The following INPP4A variants were observed in gnomAD, a reference collection of about 807,000 sequenced individuals.
INPP4A encodes the protein inositol polyphosphate-4-phosphatase type I A, also known as inositol polyphosphate-4-phosphatase, type I, 107kD.
A neutral mutation model predicts 119.8 loss-of-function variants in INPP4A; 33 were observed. The observed-to-expected ratio is 0.28, with a 90% CI of 0.21 to 0.37. INPP4A has a LOEUF of 0.37. INPP4A is among the 10% of genes least tolerant of loss of function. The pLI, the probability that INPP4A is intolerant of heterozygous loss-of-function variation, is 1.00. For missense variants in INPP4A, 956 were observed against 1,289.9 expected, an observed-to-expected ratio of 0.74 and a Z score of 3.97; for synonymous variants, 496 against 500.7, an observed-to-expected ratio of 0.99 and a Z score of 0.12.
chr2:98,458,379 C>T (rs1488855545), intron 1 of INPP4A, among the ~76,000 whole-genome samples: 7 of 152,070 alleles, frequency 4.6e-5, no homozygotes, highest in Non-Finnish European at 1.0e-4. Context: ...CCTTTCTCAC[C>T]TTCTCTACCC....
In INPP4A at chr2:98,562,497, C is replaced by T. The variant is rs188923513; in HGVS notation, c.1856-968C>T. Among the ~76,000 whole-genome samples the T allele has an allele frequency of 2.6e-3, 401 of 152,306 alleles. 1 individual carries two copies. The highest frequency in any genetic ancestry group is 9.2e-3 in the African/African-American group (383 of 41,560). On this transcript the variant is annotated intron_variant, in intron 17 of 24. Transcript: ENST00000409851. ...CCATGGCCTTCCCTGAGTGCCGTGCCGGGACATGGCCTGGCGCATTCTGTG... is the reference window on the plus strand; with the variant it reads ...CCATGGCCTTCCCTGAGTGCCGTGCTGGGACATGGCCTGGCGCATTCTGTG...
chr2:98,550,920 A>C (rs1401868671), intron 13 of INPP4A, among the ~76,000 whole-genome samples: 1 of 151,300 alleles, frequency 6.6e-6, no homozygotes, highest in Non-Finnish European at 1.5e-5. Context: ...TTATATATGT[A>C]CTCTAAATAT....
intron 22 of INPP4A, 97 bp downstream of exon 22, chr2:98,568,765 C>T: frequency 1.4e-6 from 1 of 714,904 alleles, no homozygotes; most frequent in Non-Finnish European, 2.6e-6. Context: ...TGAGTGCATG[C>T]CTGTGCATGT....
intron 1 of INPP4A, among the ~76,000 whole-genome samples, chr2:98,472,373 C>A (rs111419704): frequency 3.3e-5 from 5 of 152,230 alleles, no homozygotes; most frequent in Admixed American, 3.3e-4. Flanking sequence ...GACTCGAGTC[C>A]CCCAGCAGAT....
intron 1 of INPP4A, among the ~76,000 whole-genome samples, chr2:98,469,764 A>G (rs968221625): frequency 1.3e-5 from 2 of 152,188 alleles, no homozygotes; most frequent in African/African-American, 4.8e-5. Context: ...AGATCACGCC[A>G]TTGCACTCCA....
Position 98,572,842 on chromosome 2 carries a change from G to A in INPP4A, c.2546G>A (p.Cys849Tyr), listed in dbSNP as rs1203789261. ...DCLPRSRSQT[C>Y]LPELLRFLGQ... ...CTGCCTCGGTCTCGCAGTCAGACGT[G>A]CCTGCCAGAGCTGCTGCGGTTTCTG... is the stretch of plus-strand genomic sequence containing the variant. The change falls in exon 23 of 25, where the codon TGC (cysteine) becomes TAC (tyrosine). Residue 849 changes from cysteine to tyrosine, a missense_variant. By Grantham distance (194) the Cys-to-Tyr change is radical (BLOSUM62 -2). Coordinates refer to ENST00000409851, the MANE Select transcript of INPP4A (RefSeq NM_001134225.2). 1.3e-6 allele frequency: 2 copies of A among 1,569,452 alleles called. No individual in the cohort carries two copies. Among genetic ancestry groups the A allele is most frequent in the African/African-American group, 2.7e-5 (2 of 73,682 alleles).
intron 24 of INPP4A, among the ~76,000 whole-genome samples, chr2:98,580,454 G>A (rs576358925): frequency 6.6e-6 from 1 of 152,368 alleles, no homozygotes; most frequent in African/African-American, 2.4e-5. Flanking sequence ...TGAACATGGA[G>A]TTGGGAAGAG....
At chr2:98,493,764 A>G (rs1681345303) in intron 1 of INPP4A, among the ~76,000 whole-genome samples, 1 of 152,036 alleles carries the variant, frequency 6.6e-6, no homozygotes, top group Non-Finnish European at 1.5e-5. Flanking sequence ...GTTCATATTC[A>G]CCAGGTTAAT....
At chr2:98,467,796 T>C (rs1451748744) in intron 1 of INPP4A, among the ~76,000 whole-genome samples, 1 of 152,234 alleles carries the variant, frequency 6.6e-6, no homozygotes, top group Non-Finnish European at 1.5e-5. Flanking sequence ...TGAATAGTTA[T>C]CTATTAGTTA....
intron 23 of INPP4A, among the ~76,000 whole-genome samples, chr2:98,576,283 T>G (rs1265802798): frequency 6.6e-6 from 1 of 152,046 alleles, no homozygotes; most frequent in African/African-American, 2.4e-5. Flanking sequence ...AATCTCCCCA[T>G]GGGGAGAGGA....
chr2:98,460,101 G>A (rs529190291), intron 1 of INPP4A, among the ~76,000 whole-genome samples: 9 of 30,162 alleles, frequency 3.0e-4, no homozygotes, highest in African/African-American at 9.3e-4. Flanking sequence ...TTTGGTCATC[G>A]TGTGTGTGTG....
intron 1 of INPP4A, among the ~76,000 whole-genome samples, chr2:98,483,362 C>G (rs1205161947): frequency 6.6e-6 from 1 of 152,182 alleles, no homozygotes; most frequent in Admixed American, 6.5e-5. Context: ...TAGTTTCACT[C>G]TTGTGATGCT....
At chr2:98,448,771 G>A (rs764676036) in intron 1 of INPP4A, among the ~76,000 whole-genome samples, 3 of 149,776 alleles carry the variant, frequency 2.0e-5, no homozygotes, top group Non-Finnish European at 3.0e-5. Flanking sequence ...GTGGTGCCAT[G>A]GCAGCTCACT....
At chr2:98,522,770 G>GA (rs954857397) in intron 4 of INPP4A, among the ~76,000 whole-genome samples, 99 of 141,240 alleles carry the variant, frequency 7.0e-4, no homozygotes, top group South Asian at 4.9e-3. Context: ...CTTCCAGAAA[G>GA]AAAAAAAAAA....
At chr2:98,564,859 C>T in intron 19 of INPP4A, 96 bp downstream of exon 19, 1 of 1,377,802 alleles carries the variant, frequency 7.3e-7, no homozygotes, top group Non-Finnish European at 9.6e-7. Flanking sequence ...GTAATGCGTG[C>T]TTATTGAAAT....
intron 1 of INPP4A, among the ~76,000 whole-genome samples, chr2:98,507,569 G>T (rs529764242): frequency 6.6e-6 from 1 of 152,104 alleles, no homozygotes; most frequent in Non-Finnish European, 1.5e-5. Context: ...ATGCTACAAC[G>T]TGACCCCCAC....
intron 1 of INPP4A, among the ~76,000 whole-genome samples, chr2:98,448,733 A>G (rs1313437256): frequency 6.9e-6 from 1 of 144,154 alleles, no homozygotes; most frequent in Non-Finnish European, 1.5e-5. Flanking sequence ...TTTTTTAAAG[A>G]GACAAGGTCT....
At chr2:98,543,773 C>T in intron 10 of INPP4A, 104 bp from the exon 11 acceptor site, 1 of 1,428,950 alleles carries the variant, frequency 7.0e-7, no homozygotes, top group Non-Finnish European at 9.5e-7. Context: ...CCTGGGCATC[C>T]ATGATACTTC....
chr2:98,537,099 G>A lies in INPP4A; in HGVS notation c.468-764G>A, dbSNP rs113068081. On this transcript the variant is annotated intron_variant, in intron 7 of 24. Coordinates refer to ENST00000409851, the MANE Select transcript of INPP4A (RefSeq NM_001134225.2). ...CATTCTTTTTAAAGGAGCTAAAGGC[G>A]GCTGATGATTGAACAGATAGAGCAG... Among the ~76,000 whole-genome samples the A allele has an allele frequency of 4.4e-3, 674 of 152,332 alleles. 11 individuals are homozygous for A. The highest frequency in any genetic ancestry group is 0.016 in the African/African-American group (650 of 41,570).
Sources: allele counts gnomAD v4.1 joint callset (sites outside exome capture counted in the v4.1 genomes callset), GRCh38; gene constraint gnomAD v4.1.1; transcripts MANE v1.5; gene names NCBI Gene and HGNC (gene_info 2026-07-23, HGNC 2026-07-21).